Variants in HEATR6 observed in about 807,000 individuals in gnomAD.
HEATR6 encodes HEAT repeat-containing protein 6.
HEATR6 carries 106 observed loss-of-function variants against 132.8 expected under a neutral mutation model. That is an observed-to-expected ratio of 0.80 (90% confidence interval 0.68 to 0.94). The LOEUF is 0.94. Among genes scored for constraint, HEATR6 ranks in the 40% least tolerant of loss-of-function variants. The pLI, the probability that HEATR6 is intolerant of heterozygous loss-of-function variation, is 0.00. For synonymous variants in HEATR6, 529 were observed against 537.8 expected, an observed-to-expected ratio of 0.98 and a Z score of 0.23; for missense variants, 1,339 against 1,425.1, an observed-to-expected ratio of 0.94 and a Z score of 0.97.
At chr17:60,059,574 G>A (rs1906866056) in intron 10 of HEATR6, 53 bp from the exon 11 acceptor site, 1 of 1,227,346 alleles carries the variant, frequency 8.1e-7, no homozygotes, top group Non-Finnish European at 1.2e-6. Context: ...CCACAGCATA[G>A]AACAAATTTT....
chr17:60,048,373 C>T lies in HEATR6; in HGVS notation c.2563G>A (p.Ala855Thr), dbSNP rs760281057. The change falls in exon 17 of 20, where the codon GCA (alanine) becomes ACA (threonine). Residue 855 changes from alanine (A) to threonine (T), a missense_variant. Physicochemically the swap from Ala to Thr is moderately conservative, Grantham distance 58. Transcript: ENST00000184956. Reference protein sequence around the residue: ...PCLRQDVIFVADAANAILMSL... With the variant: ...PCLRQDVIFVTDAANAILMSL... ...ATCAATATTGCATTTGCTGCGTCTG[C>T]AACAAATATGACATCCTGTAACACA... 1.2e-6 allele frequency: 2 copies of T among 1,611,752 alleles called. No individual in the cohort carries two copies. The highest frequency in any genetic ancestry group is 1.7e-6 in the Non-Finnish European group (2 of 1,178,346).
intron 14 of HEATR6, among the ~76,000 whole-genome samples, chr17:60,052,942 G>A (rs1906633286): frequency 6.6e-6 from 1 of 152,122 alleles, no homozygotes; most frequent in African/African-American, 2.4e-5. Flanking sequence ...TGACTGAAGG[G>A]TTATGGTTTA....
intron 1 of HEATR6, chr17:60,076,579 T>C (rs1325134951): frequency 5.5e-6 from 1 of 180,220 alleles, no homozygotes; most frequent in African/African-American, 2.4e-5. Flanking sequence ...TATGGTGGTA[T>C]GTAGTCCCAG....
chr17:60,061,423 T>A (rs1161569787), intron 9 of HEATR6, among the ~76,000 whole-genome samples: 1 of 152,302 alleles, frequency 6.6e-6, no homozygotes, highest in East Asian at 1.9e-4. Context: ...ACCGTGTGTA[T>A]ATGTGTGAAA....
intron 2 of HEATR6, among the ~76,000 whole-genome samples, chr17:60,075,073 C>A (rs1004296078): frequency 6.6e-6 from 1 of 152,174 alleles, no homozygotes; most frequent in Non-Finnish European, 1.5e-5. Flanking sequence ...CTAAGTCTCT[C>A]CAGCAAGATA....
rs1464817216 is a variant in HEATR6, at chr17:60,044,017, T to A, written c.3092A>T (p.Glu1031Val). Reference protein sequence around the residue: ...AAALSVPGKREQYGSVDQYAR... With the variant: ...AAALSVPGKRVQYGSVDQYAR... ...ATACTGGTCAACAGACCCGTACTGC[T>A]CTCTCTTCCCCGGGACGGAAAGGGC... is the stretch of plus-strand genomic sequence containing the variant. Residue 1031 changes from glutamate to valine, a missense_variant, in exon 20 of 20, where the codon GAG (glutamate) becomes GTG (valine). Coordinates refer to ENST00000184956, the MANE Select transcript of HEATR6 (RefSeq NM_022070.5). 1.9e-6 allele frequency: 3 copies of A among 1,614,142 alleles called. No homozygotes were observed. Among genetic ancestry groups the A allele is most frequent in the Non-Finnish European group, 2.5e-6 (3 of 1,180,038 alleles).
At chr17:60,073,674 C>T in intron 3 of HEATR6, 72 bp downstream of exon 3, 1 of 1,451,260 alleles carries the variant, frequency 6.9e-7, no homozygotes, top group Admixed American at 1.9e-5. Flanking sequence ...AAGATAGAAA[C>T]CTGAACACAG....
In HEATR6 at chr17:60,057,135, G is replaced by T; in HGVS notation, c.1992C>A (p.Pro664=). ...CGCTACCTGAACAGGAATCCTCCTTGGGCAGTACGACAATGGAAATGCAGA... is the reference window on the plus strand; with the variant it reads ...CGCTACCTGAACAGGAATCCTCCTTTGGCAGTACGACAATGGAAATGCAGA... ...IRLCISIVVL[P]KEDSCSGSDA... is the part of the protein sequence containing the mutation. Residue 664 remains proline (P), a synonymous_variant, in exon 12 of 20, where the codon CCC becomes CCA. Transcript: ENST00000184956. 1 of 1,614,150 alleles carries T rather than the reference G, an allele frequency of 6.2e-7. No individual in the cohort carries two copies. The highest frequency in any genetic ancestry group is 8.5e-7 in the Non-Finnish European group (1 of 1,180,012).
At chr17:60,061,190 A>G (rs1433181965) in intron 9 of HEATR6, among the ~76,000 whole-genome samples, 5 of 152,214 alleles carry the variant, frequency 3.3e-5, no homozygotes, top group Admixed American at 3.3e-4. Flanking sequence ...TAGTTACTCA[A>G]TATGAAGCAT....
chr17:60,075,975 A>G, intron 2 of HEATR6, 155 bp downstream of exon 2: 1 of 508,206 alleles, frequency 2.0e-6, no homozygotes, highest in Non-Finnish European at 3.5e-6. Context: ...GATCAGAGTT[A>G]TATTTGCTTT....
intron 15 of HEATR6, among the ~76,000 whole-genome samples, chr17:60,050,597 A>C (rs1906544244): frequency 2.0e-5 from 3 of 152,162 alleles, no homozygotes; most frequent in African/African-American, 7.2e-5. Flanking sequence ...TCTGCCTTCC[A>C]AGCTTCTTCT....
rs1248644281 is a variant in HEATR6 at position 60,048,971 on chromosome 17, ACATATATATATAATATATATATATAT to A, written c.2547+583_2548-584del. On this transcript the variant is annotated intron_variant, in intron 16 of 19. Transcript: ENST00000184956. Reference sequence around the variant, plus strand: ...AGTAATTAAAAATTAAAAATAAATAACATATATATATAATATATATATATATATATATATATATATATATATATGGT... The same window carrying A: ...AGTAATTAAAAATTAAAAATAAATAAATATATATATATATATATATATGGT... 7.3e-4 allele frequency among the ~76,000 whole-genome samples: 78 copies of A among 106,508 alleles called. 2 individuals carry two copies. Among genetic ancestry groups the A allele is most frequent in the African/African-American group, 3.2e-3 (76 of 23,838 alleles). The allele number at this position is 106,508 out of a possible 152,430, so 69.9% of individuals were successfully genotyped here.
chr17:60,063,481 T>G (rs1189195667), intron 9 of HEATR6: 1 of 152,236 alleles, frequency 6.6e-6, no homozygotes, highest in Non-Finnish European at 1.5e-5. Context: ...GTGTATAAGA[T>G]GTGCTCTATG....
intron 8 of HEATR6, 94 bp downstream of exon 8, chr17:60,067,340 C>T (rs1189502110): frequency 1.3e-6 from 1 of 795,344 alleles, no homozygotes; most frequent in Non-Finnish European, 1.9e-6. Context: ...AAATCAGGCT[C>T]TTCAAGTTAA....
chr17:60,077,694 T>C (rs188437547), intron 1 of HEATR6, among the ~76,000 whole-genome samples: 1 of 152,038 alleles, frequency 6.6e-6, no homozygotes, highest in Non-Finnish European at 1.5e-5. Context: ...TTATGAACAA[T>C]TTTTTTTCCT....
rs115390813 is a variant in HEATR6 at position 60,073,572 on chromosome 17, G to A, written c.468+174C>T. ...TTACCGAGGGCCATGAACTTGACAC[G>A]TATTGTCTCACTTCATCCTCAGAGT... On this transcript the variant is annotated intron_variant, in intron 3 of 19. Coordinates refer to ENST00000184956, the MANE Select transcript of HEATR6 (RefSeq NM_022070.5). 2.9e-3 allele frequency among the ~76,000 whole-genome samples: 437 copies of A among 152,252 alleles called. 1 individual carries two copies. Among genetic ancestry groups the A allele is most frequent in the Middle Eastern group, 0.027 (8 of 294 alleles).
chr17:60,057,014 T>C (rs761330388), intron 12 of HEATR6, 34 bp downstream of exon 12: 182 of 1,469,838 alleles, frequency 1.2e-4, no homozygotes, highest in Non-Finnish European at 1.6e-4. Flanking sequence ...AATGGTTACT[T>C]CCATTTCAGA....
chr17:60,070,595 A>G, intron 6 of HEATR6, 111 bp downstream of exon 6: 1 of 512,118 alleles, frequency 2.0e-6, no homozygotes, highest in Admixed American at 3.6e-5. Flanking sequence ...CTCAAAATAT[A>G]TGTAAGAACT....
chr17:60,075,881 T>G, intron 2 of HEATR6: 1 of 252,124 alleles, frequency 4.0e-6, no homozygotes, highest in Non-Finnish European at 7.5e-6. Context: ...TTGGGGGGCC[T>G]GAATGATATT....
Sources: allele counts gnomAD v4.1 joint callset (sites outside exome capture counted in the v4.1 genomes callset), GRCh38; gene constraint gnomAD v4.1.1; transcripts MANE v1.5; gene names NCBI Gene and HGNC (gene_info 2026-07-23, HGNC 2026-07-21).